The following SATL1 variants were observed in gnomAD, a reference collection of about 807,000 sequenced individuals.
The protein encoded by SATL1 is spermidine/spermine N(1)-acetyltransferase-like protein 1.
In SATL1, 47 loss-of-function variants were observed where a neutral mutation model predicts 51.8. That is an observed-to-expected ratio of 0.91 (90% CI 0.72 to 1.16). The LOEUF is 1.16. Ranked by LOEUF, SATL1 falls within the 50% of genes most tolerant of loss-of-function variation. SATL1 has a pLI of 0.00. For synonymous variants in SATL1, 176 were observed against 182.4 expected (o/e 0.97, Z 0.28); for missense variants, 520 against 526.4 (o/e 0.99, Z 0.12).
At chrX:85,217,484 G>A (rs763220140) in intron 2 of SATL1, among the ~76,000 whole-genome samples, 1 of 111,334 alleles carries the variant, frequency 9.0e-6, no homozygotes, top group Admixed American at 9.6e-5. Context: ...GGGAAAGATA[G>A]TGCCCAAGAC....
chrX:85,125,485 T>C (rs568802682), intron 2 of SATL1, among the ~76,000 whole-genome samples: 3 of 106,240 alleles, frequency 2.8e-5, no homozygotes, highest in African/African-American at 1.0e-4. Context: ...ATGTCCTTTT[T>C]TTTCTTCCAC....
intron 2 of SATL1, among the ~76,000 whole-genome samples, chrX:85,167,382 C>G (rs1246490558): frequency 9.2e-6 from 1 of 108,942 alleles, no homozygotes; most frequent in Non-Finnish European, 1.9e-5. Flanking sequence ...ACCACTTGTT[C>G]CCCCAAAACT....
At position 85,107,995 on chromosome X, in the gene SATL1, C is replaced by G. The variant is rs1266690578; in HGVS notation, c.974G>C (p.Gly325Ala). 1 of 1,210,921 alleles carries G rather than the reference C, an allele frequency of 8.3e-7. No homozygotes were observed. The highest frequency in any genetic ancestry group is 2.2e-5 in the Admixed American group (1 of 45,974). ...GMKQPGTWQL[G>A]RSQPGMWPQS... ...TGGCCACATGCCTGGTTGGCTCCTACCTAATTGCCATGTGCCTGGTTGTTT... is the reference window on the plus strand; with the variant it reads ...TGGCCACATGCCTGGTTGGCTCCTAGCTAATTGCCATGTGCCTGGTTGTTT... Residue 325 changes from glycine (G) to alanine (A), a missense_variant, in exon 3 of 8, where the codon GGT (glycine) becomes GCT (alanine). Gly to Ala is a moderately conservative substitution (Grantham distance 60). Transcript: ENST00000644105.
chrX:85,219,032 T>G (rs1928116251), intron 2 of SATL1: 2 of 112,146 alleles, frequency 1.8e-5, no homozygotes, highest in East Asian at 5.6e-4. Context: ...ACATTCGATA[T>G]TTTTCACTTA....
At chrX:85,185,043 C>T (rs916021123) in intron 2 of SATL1, among the ~76,000 whole-genome samples, 12 of 112,427 alleles carry the variant, frequency 1.1e-4, no homozygotes, top group African/African-American at 3.9e-4. Context: ...CCTATATCTG[C>T]ATTAGGGGTC....
chrX:85,240,783 CTTTT>C (rs5902874), intron 1 of SATL1, among the ~76,000 whole-genome samples: 1 of 99,933 alleles, frequency 1.0e-5, no homozygotes, highest in Non-Finnish European at 2.0e-5. Flanking sequence ...CTCCTATGTA[CTTTT>C]TTTTTTTTTT....
Position 85,107,376 on chromosome X carries a change from T to C in SATL1, c.1593A>G (p.Ile531Met), listed in dbSNP as rs1925073589. 2 of 1,211,056 alleles carry C rather than the reference T, an allele frequency of 1.7e-6. No homozygotes were observed. Among genetic ancestry groups the C allele is most frequent in the Non-Finnish European group, 2.2e-6 (2 of 895,454 alleles). ...MRQTSMDYFQIRHAEAGDCPE... is the reference protein window; with the variant it reads ...MRQTSMDYFQMRHAEAGDCPE... ...GGCAGTCTCCAGCCTCTGCATGTCTTATTTGAAAGTAATCCATGCTTGTTT... is the reference window on the plus strand; with the variant it reads ...GGCAGTCTCCAGCCTCTGCATGTCTCATTTGAAAGTAATCCATGCTTGTTT... Residue 531 changes from isoleucine (I) to methionine (M), a missense_variant, in exon 3 of 8, where the codon ATA becomes ATG. Around this residue, in one of 3 missense-constraint regions of SATL1, gnomAD observed 488 missense variants for 474.3 expected, o/e 1.03. Transcript: ENST00000644105.
intron 2 of SATL1, among the ~76,000 whole-genome samples, chrX:85,183,016 C>A (rs184888019): frequency 4.5e-5 from 5 of 111,201 alleles, no homozygotes; most frequent in African/African-American, 9.8e-5. Flanking sequence ...GCAAAAATTT[C>A]TCCTATTCTT....
rs770711859 is a variant in SATL1 at position 85,224,271 on chromosome X, C to T, written c.-379G>A. ...GCCACACCACTGTGATCTCTGCCTCCCTTTTCACATCATCTTCTCCTCTGT... is the reference window on the plus strand; with the variant it reads ...GCCACACCACTGTGATCTCTGCCTCTCTTTTCACATCATCTTCTCCTCTGT... On this transcript the variant is annotated 5_prime_UTR_variant, in exon 2 of 8. Transcript: ENST00000644105. 9.3e-6 allele frequency: 1 copy of T among 107,734 alleles called. No homozygotes were observed. Among genetic ancestry groups the T allele is most frequent in the South Asian group, 4.2e-4 (1 of 2,374 alleles). 8.9% of individuals were successfully genotyped at this position (107,734 alleles called of 1,213,427 possible). A position where few individuals can be genotyped will look rare whatever the true frequency, so the allele number is the denominator to read the frequency against.
intron 2 of SATL1, among the ~76,000 whole-genome samples, chrX:85,217,959 T>C (rs1168993078): frequency 9.0e-6 from 1 of 111,581 alleles, no homozygotes; most frequent in East Asian, 2.8e-4. Context: ...CAGTATAATG[T>C]TTTTCAGTAA....
intron 1 of SATL1, among the ~76,000 whole-genome samples, chrX:85,228,313 T>C (rs779019216): frequency 1.8e-4 from 20 of 111,204 alleles, no homozygotes; most frequent in East Asian, 1.7e-3. Context: ...TATTCAAAGA[T>C]GTCATTCCAG....
chrX:85,199,747 AGAGTGTAGAATAAGGTTGCCAGAGGCT>A (rs917764461), intron 2 of SATL1, among the ~76,000 whole-genome samples: 9 of 111,767 alleles, frequency 8.1e-5, no homozygotes, highest in Non-Finnish European at 1.7e-4. Flanking sequence ...TCATGGAGAT[AGAGTGTAGAATAAGGTTGCCAGAGGCT>A]GAGTGTAGAA....
chrX:85,233,297 G>A (rs181589237), intron 1 of SATL1, among the ~76,000 whole-genome samples: 1 of 111,837 alleles, frequency 8.9e-6, no homozygotes, highest in Non-Finnish European at 1.9e-5. Flanking sequence ...TCAAATACCC[G>A]GAAAGCCTTC....
At chrX:85,172,019 G>T (rs17278352) in intron 2 of SATL1, among the ~76,000 whole-genome samples, 12,145 of 110,913 alleles carry the variant, frequency 0.11, 568 homozygotes, top group South Asian at 0.18. Flanking sequence ...CTTTTGAAGT[G>T]ATCACTGTGG....
At chrX:85,235,655 G>A (rs1184397947) in intron 1 of SATL1, among the ~76,000 whole-genome samples, 1 of 110,482 alleles carries the variant, frequency 9.1e-6, no homozygotes, top group Non-Finnish European at 1.9e-5. Context: ...ATGGAAACAC[G>A]ATATACCAAA....
intron 2 of SATL1, among the ~76,000 whole-genome samples, chrX:85,155,722 G>T (rs67169795): frequency 0.11 from 12,604 of 110,339 alleles, 606 homozygotes; most frequent in South Asian, 0.17. Flanking sequence ...AAAAATAGGG[G>T]CCATGGTGCC....
chrX:85,107,809 C>T lies in SATL1; in HGVS notation c.1160G>A (p.Arg387Lys), dbSNP rs189846946. The change falls in exon 3 of 8, where the codon AGA (arginine) becomes AAA (lysine). Residue 387 changes from arginine to lysine, a missense_variant. By Grantham distance (26) the Arg-to-Lys change is conservative (BLOSUM62 2). Transcript: ENST00000644105. ...SQPVMWQLDM[R>K]QSGGSQPSMR... ...GCTTGGTTGGCTCCCACCTGACTGT[C>T]TCATGTCTAGTTGCCACATCACTGG... 1 of 1,209,371 alleles carries T rather than the reference C, an allele frequency of 8.3e-7. No individual in the cohort carries two copies. The highest frequency in any genetic ancestry group is 3.0e-5 in the East Asian group (1 of 33,695).
chrX:85,117,872 G>C lies in SATL1; in HGVS notation c.-312-8592C>G, dbSNP rs149288401. On this transcript the variant is annotated intron_variant, in intron 2 of 7. Transcript: ENST00000644105. ...AGAATTTGAATTTTCTTCTTTTCCAGATATCATCAGCAAATTTTCAATTAA... is the reference window on the plus strand; with the variant it reads ...AGAATTTGAATTTTCTTCTTTTCCACATATCATCAGCAAATTTTCAATTAA... 5.5e-3 allele frequency among the ~76,000 whole-genome samples: 609 copies of C among 110,401 alleles called. 3 individuals carry two copies. Among genetic ancestry groups the C allele is most frequent in the African/African-American group, 0.019 (569 of 30,516 alleles).
At chrX:85,206,418 C>T (rs188535976) in intron 2 of SATL1, among the ~76,000 whole-genome samples, 9 of 111,142 alleles carry the variant, frequency 8.1e-5, no homozygotes, top group Non-Finnish European at 1.5e-4. Context: ...AGTGTGGTGG[C>T]ATACCAGAAA....
Sources: gnomAD v4.1 joint callset for allele counts (sites outside exome capture counted in the v4.1 genomes callset) on GRCh38, gnomAD v4.1.1 for gene constraint, gnomAD v4.1.1 regional missense constraint, MANE v1.5 for transcripts, NCBI Gene and HGNC (gene_info 2026-07-23, HGNC 2026-07-21) for gene names.